The following PDE4D variants were observed in gnomAD, a reference collection of about 807,000 sequenced individuals.
The protein encoded by PDE4D is 3',5'-cyclic-AMP phosphodiesterase 4D.
A neutral mutation model predicts 87.4 loss-of-function variants in PDE4D; 24 were observed. The ratio of observed to expected loss-of-function variants is 0.27; its 90% CI spans 0.20 to 0.39. The LOEUF is 0.39. Among genes scored for constraint, PDE4D ranks in the 10% least tolerant of loss-of-function variants. PDE4D has a pLI of 1.00. For synonymous variants in PDE4D, 384 were observed against 383.2 expected, an observed-to-expected ratio of 1.00 and a Z score of -0.02; for missense variants, 714 against 1,041.0, an observed-to-expected ratio of 0.69 and a Z score of 4.32.
At chr5:60,211,250 G>A (rs1228431959) in intron 1 of PDE4D, among the ~76,000 whole-genome samples, 1 of 152,148 alleles carries the variant, frequency 6.6e-6, no homozygotes, top group Non-Finnish European at 1.5e-5. Flanking sequence ...TCTGTCCCTG[G>A]AGGTTGAAGG....
At chr5:59,800,117 A>G (rs1266763844) in intron 1 of PDE4D, among the ~76,000 whole-genome samples, 1 of 152,200 alleles carries the variant, frequency 6.6e-6, no homozygotes, top group Non-Finnish European at 1.5e-5. Flanking sequence ...TCATTAAAAA[A>G]GAAAAAGAAG....
rs890752423 is a variant in PDE4D, at chr5:59,640,837, C to T, written c.455+252331G>A. On this transcript the variant is annotated intron_variant, in intron 1 of 14. Coordinates refer to ENST00000340635, the MANE Select transcript of PDE4D (RefSeq NM_001104631.2). ...AACAAAAAGCTATTTTTGAGTGTGC[C>T]TGTTTATCAAGAGTGTTCTCTAAAA... 6.6e-5 allele frequency among the ~76,000 whole-genome samples: 10 copies of T among 152,158 alleles called. No individual in the cohort carries two copies. In the East Asian group the frequency reaches 7.7e-4, roughly 12 times the overall value.
intron 2 of PDE4D, among the ~76,000 whole-genome samples, chr5:59,204,916 G>C (rs1254424069): frequency 6.6e-6 from 1 of 152,228 alleles, no homozygotes; most frequent in African/African-American, 2.4e-5. Context: ...ATCAAACAGA[G>C]AGGAGAGCAA....
chr5:59,227,818 T>G (rs1754163379), intron 1 of PDE4D, among the ~76,000 whole-genome samples: 2 of 152,158 alleles, frequency 1.3e-5, no homozygotes, highest in South Asian at 4.2e-4. Flanking sequence ...TATTAATAGT[T>G]CAACCATTGT....
At chr5:59,741,785 G>C (rs78597686) in intron 1 of PDE4D, among the ~76,000 whole-genome samples, 2,246 of 152,184 alleles carry the variant, frequency 0.015, 59 homozygotes, top group African/African-American at 0.051. Context: ...GAAGATAACA[G>C]GAGAAGAAAA....
chr5:59,123,955 G>A (rs1159154044), intron 5 of PDE4D, among the ~76,000 whole-genome samples: 1 of 152,178 alleles, frequency 6.6e-6, no homozygotes, highest in Non-Finnish European at 1.5e-5. Flanking sequence ...GAGCAGCACT[G>A]TTTAGTAAAC....
At chr5:59,791,813 T>C (rs1765825506) in intron 1 of PDE4D, among the ~76,000 whole-genome samples, 1 of 152,208 alleles carries the variant, frequency 6.6e-6, no homozygotes, top group African/African-American at 2.4e-5. Context: ...ACTCACTCTC[T>C]GAGTGACCTT....
chr5:60,441,585 A>G (rs991831137), intron 1 of PDE4D, among the ~76,000 whole-genome samples: 1 of 152,206 alleles, frequency 6.6e-6, no homozygotes, highest in African/African-American at 2.4e-5. Flanking sequence ...AAATAGACAA[A>G]TGGGATCTAA....
intron 1 of PDE4D, among the ~76,000 whole-genome samples, chr5:60,296,570 G>A (rs969110924): frequency 6.6e-6 from 1 of 152,122 alleles, no homozygotes; most frequent in South Asian, 2.1e-4. Flanking sequence ...CAAAGTTGGC[G>A]TATTTAAATT....
chr5:59,615,437 A>G (rs976603266), intron 1 of PDE4D, among the ~76,000 whole-genome samples: 4 of 88,148 alleles, frequency 4.5e-5, no homozygotes, highest in African/African-American at 1.7e-4. Context: ...TAAATGAATC[A>G]TAGGCACATA....
intron 3 of PDE4D, among the ~76,000 whole-genome samples, chr5:59,903,922 C>T (rs1752548581): frequency 6.6e-6 from 1 of 152,256 alleles, no homozygotes; most frequent in South Asian, 2.1e-4. Flanking sequence ...AAGCACCAGA[C>T]AGAGCAAATC....
At chr5:60,165,533 C>T (rs1155796) in intron 2 of PDE4D, among the ~76,000 whole-genome samples, 113,397 of 151,488 alleles carry the variant, frequency 0.75, 44,025 homozygotes, top group African/African-American at 0.94. Context: ...AATTTCTTTA[C>T]TTCTATGCAG....
chr5:59,940,410 G>C (rs1757057542), intron 3 of PDE4D, among the ~76,000 whole-genome samples: 3 of 152,176 alleles, frequency 2.0e-5, no homozygotes, highest in Non-Finnish European at 4.4e-5. Context: ...ATCCATGTGA[G>C]AGATGATGGC....
intron 1 of PDE4D, among the ~76,000 whole-genome samples, chr5:59,678,326 C>T (rs747446902): frequency 8.6e-5 from 13 of 151,992 alleles, no homozygotes; most frequent in Non-Finnish European, 1.8e-4. Flanking sequence ...AATCCTATTA[C>T]TCAGAGTTGG....
intron 1 of PDE4D, among the ~76,000 whole-genome samples, chr5:59,610,601 A>C (rs1828864215): frequency 6.6e-6 from 1 of 152,232 alleles, no homozygotes; most frequent in Admixed American, 6.5e-5. Context: ...TTAGTGGCTT[A>C]CAATTCAGTG....
At chr5:59,137,438 G>A (rs528850784) in intron 5 of PDE4D, among the ~76,000 whole-genome samples, 14 of 151,888 alleles carry the variant, frequency 9.2e-5, no homozygotes, top group African/African-American at 3.4e-4. Flanking sequence ...GATAGGAAAG[G>A]ATACAGTATT....
chr5:59,337,327 C>CG (rs1554136221), intron 1 of PDE4D, among the ~76,000 whole-genome samples: 1 of 142,738 alleles, frequency 7.0e-6, no homozygotes, highest in Non-Finnish European at 1.5e-5. Context: ...ATAAGTTCCC[C>CG]CCCCCCCACC....
chr5:59,568,886 A>G (rs1391877129), intron 1 of PDE4D, among the ~76,000 whole-genome samples: 2 of 152,138 alleles, frequency 1.3e-5, no homozygotes, highest in Non-Finnish European at 2.9e-5. Flanking sequence ...ATGAATGAAT[A>G]GGGACTTTAA....
intron 3 of PDE4D, among the ~76,000 whole-genome samples, chr5:59,928,102 A>C (rs1210914937): frequency 6.6e-6 from 1 of 152,220 alleles, no homozygotes; most frequent in Non-Finnish European, 1.5e-5. Context: ...GTTTGGCCAA[A>C]GTAAATATGG....
Sources: gnomAD v4.1 joint callset for allele counts (sites outside exome capture counted in the v4.1 genomes callset) on GRCh38, gnomAD v4.1.1 for gene constraint, MANE v1.5 for transcripts, NCBI Gene and HGNC (gene_info 2026-07-23, HGNC 2026-07-21) for gene names.